TMC2: variants seen among roughly 807,000 people sequenced by gnomAD.
The protein encoded by TMC2 is transmembrane channel-like protein 2.
Under a neutral mutation model 105.9 loss-of-function variants are expected in TMC2, and 102 were observed. That is an observed-to-expected ratio of 0.96 (90% CI 0.82 to 1.14). The LOEUF (loss-of-function observed/expected upper bound fraction) is 1.14. TMC2 is among the 50% of genes most tolerant of loss of function. The pLI, the probability that TMC2 is intolerant of heterozygous loss-of-function variation, is 0.00. For missense variants in TMC2, 1,093 were observed against 1,134.3 expected (o/e 0.96, Z 0.52); for synonymous variants, 402 against 422.8 (o/e 0.95, Z 0.60).
intron 16 of TMC2, among the ~76,000 whole-genome samples, chr20:2,623,400 G>A (rs1002857629): frequency 5.3e-5 from 8 of 152,054 alleles, no homozygotes; most frequent in South Asian, 2.1e-4. Flanking sequence ...TTAGGCAGGC[G>A]TGGTGGCGCT....
chr20:2,548,481 A>G (rs2085937487), intron 2 of TMC2, among the ~76,000 whole-genome samples: 1 of 152,058 alleles, frequency 6.6e-6, no homozygotes, highest in East Asian at 1.9e-4. Context: ...TCTACTAAAA[A>G]TAGAAAATTA....
rs2086695612 is a variant in TMC2 at position 2,642,409 on chromosome 20, T to C, written c.*1058T>C. ...AGCGAGTGAGTTGCCCAGTGCCTCT[T>C]ATCTTGGAAGGAAACCTGCCTTACC... On this transcript the variant is annotated 3_prime_UTR_variant, in exon 20 of 20. Coordinates refer to ENST00000358864, the MANE Select transcript of TMC2 (RefSeq NM_080751.3). Among the ~76,000 whole-genome samples, 1 of 151,978 alleles carries C rather than the reference T, an allele frequency of 6.6e-6. No homozygotes were observed.
rs1380666993 is a variant in TMC2 at position 2,570,764 on chromosome 20, AG to A, written c.555-1414del. 1.1e-4 allele frequency among the ~76,000 whole-genome samples: 16 copies of A among 152,374 alleles called. No individual in the cohort carries two copies. The East Asian group carries it at 3.1e-3, about 29-fold the overall frequency. On this transcript the variant is annotated intron_variant, in intron 4 of 19. Transcript: ENST00000358864. Reference sequence around the variant, plus strand: ...ACTTCAAACTATACTATGAGGCTACAGTAACGAAAACAGCACAGTACTGGTA... The same window carrying A: ...ACTTCAAACTATACTATGAGGCTACATAACGAAAACAGCACAGTACTGGTA...
At chr20:2,615,881 CTG>C (rs1346331882) in intron 14 of TMC2, among the ~76,000 whole-genome samples, 1 of 152,196 alleles carries the variant, frequency 6.6e-6, no homozygotes, top group Non-Finnish European at 1.5e-5. Flanking sequence ...AAGATAGAAA[CTG>C]TCATTTTTTT....
At chr20:2,626,874 G>A (rs2086568558) in intron 17 of TMC2, among the ~76,000 whole-genome samples, 1 of 152,188 alleles carries the variant, frequency 6.6e-6, no homozygotes, top group Admixed American at 6.5e-5. Flanking sequence ...TTTAAAGAAC[G>A]GGTCAGGGGA....
chr20:2,635,950 A>C lies in TMC2; in HGVS notation c.2331A>C (p.Ser777=), dbSNP rs759283423. 6.2e-7 allele frequency: 1 copy of C among 1,614,148 alleles called. No homozygotes were observed. The highest frequency in any genetic ancestry group is 2.2e-5 in the East Asian group (1 of 44,882). Residue 777 remains serine, a synonymous_variant, in exon 18 of 20, where the codon TCA becomes TCC. Coordinates refer to ENST00000358864, the MANE Select transcript of TMC2 (RefSeq NM_080751.3). The stretch of plus-strand genomic sequence containing the variant: ...GCTTGGCCATTTACTACCTGAACTC[A>C]GTTTCCAAAAGCCTTTCCCGAGCTA... ...LMFLAIYYLN[S]VSKSLSRANA...
intron 17 of TMC2, among the ~76,000 whole-genome samples, chr20:2,629,529 T>TTAAAAAAA (rs71329389): frequency 8.6e-6 from 1 of 116,070 alleles, no homozygotes; most frequent in Non-Finnish European, 1.7e-5. Context: ...CTTACAGAAG[T>TTAAAAAAA]AAAAAAAAAA....
intron 2 of TMC2, among the ~76,000 whole-genome samples, chr20:2,549,467 G>C (rs769469681): frequency 2.7e-4 from 41 of 152,122 alleles, no homozygotes; most frequent in Non-Finnish European, 1.6e-4. Context: ...TTCCAGCCAG[G>C]CATGGTTGCT....
intron 7 of TMC2, among the ~76,000 whole-genome samples, chr20:2,590,783 A>C (rs2086263205): frequency 6.6e-6 from 1 of 152,144 alleles, no homozygotes; most frequent in Non-Finnish European, 1.5e-5. Context: ...AAAAACTACT[A>C]GAATCTAATA....
chr20:2,617,086 A>G lies in TMC2; in HGVS notation c.1955A>G (p.Tyr652Cys), dbSNP rs986841697. 6.8e-6 allele frequency: 11 copies of G among 1,613,934 alleles called. No individual in the cohort carries two copies. The highest frequency in any genetic ancestry group is 1.3e-5 in the African/African-American group (1 of 74,874). Residue 652 changes from tyrosine to cysteine, a missense_variant, in exon 16 of 20, where the codon TAT becomes TGT. Transcript: ENST00000358864. ...TGCCATTCCAGGATGGGCTCCTTCT[A>G]TGCTCCAGGCCTGGTGGGCATTAAT... ...NQGMIWMGSFYAPGLVGINVL... is the reference protein window; with the variant it reads ...NQGMIWMGSFCAPGLVGINVL...
chr20:2,617,506 A>G, intron 16 of TMC2, 195 bp downstream of exon 16: 2 of 683,832 alleles, frequency 2.9e-6, no homozygotes, highest in Non-Finnish European at 4.7e-6. Context: ...TGCGCTGTTC[A>G]TTTCAGTAGC....
At chr20:2,564,849 T>C (rs1018351620) in intron 4 of TMC2, among the ~76,000 whole-genome samples, 3 of 152,150 alleles carry the variant, frequency 2.0e-5, no homozygotes, top group African/African-American at 7.2e-5. Context: ...TCCCTGGACC[T>C]CCCTCCTGTC....
chr20:2,629,453 C>A (rs961229030), intron 17 of TMC2, among the ~76,000 whole-genome samples: 7 of 138,226 alleles, frequency 5.1e-5, no homozygotes, highest in Non-Finnish European at 6.1e-5. Flanking sequence ...GAATGTAAGT[C>A]ATTGTAACAT....
At chr20:2,572,330 A>T in intron 5 of TMC2, 61 bp downstream of exon 5, 1 of 1,384,250 alleles carries the variant, frequency 7.2e-7, no homozygotes, top group Non-Finnish European at 1.0e-6. Flanking sequence ...GAATCTGGCG[A>T]CCAACTTCGG....
chr20:2,624,580 A>G (rs1318071673), intron 17 of TMC2, among the ~76,000 whole-genome samples, 184 bp downstream of exon 17: 1 of 152,224 alleles, frequency 6.6e-6, no homozygotes, highest in African/African-American at 2.4e-5. Flanking sequence ...AAGGAAGGGA[A>G]AGGAAAATGC....
Position 2,579,181 on chromosome 20 carries a change from C to T in TMC2, c.681C>T (p.Phe227=), listed in dbSNP as rs13039110. 18,701 of 1,600,024 alleles carry T rather than the reference C, an allele frequency of 0.012. 171 individuals are homozygous for T. Among genetic ancestry groups the T allele is most frequent in the South Asian group, 0.025 (2,308 of 90,732 alleles). The change falls in exon 6 of 20, where the codon TTC becomes TTT. Residue 227 remains phenylalanine, a synonymous_variant. Coordinates refer to ENST00000358864, the MANE Select transcript of TMC2 (RefSeq NM_080751.3). ...AATTTAAGAGAGACTTTGATAATTTCAAGACTCAATGTATCCCCTGGGAAA... is the reference window on the plus strand; with the variant it reads ...AATTTAAGAGAGACTTTGATAATTTTAAGACTCAATGTATCCCCTGGGAAA... The part of the protein sequence containing the change: ...WVKFKRDFDN[F]KTQCIPWEMK...
intron 2 of TMC2, among the ~76,000 whole-genome samples, chr20:2,557,511 A>G (rs139965245): frequency 1.8e-3 from 269 of 152,230 alleles, no homozygotes; most frequent in African/African-American, 4.9e-3. Flanking sequence ...ATCTGTTAAC[A>G]TATTAATCAG....
chr20:2,639,058 G>A (rs2086669821), intron 19 of TMC2, among the ~76,000 whole-genome samples: 1 of 152,074 alleles, frequency 6.6e-6, no homozygotes, highest in South Asian at 2.1e-4. Flanking sequence ...ACCATGCCTG[G>A]CTAATTTTTT....
chr20:2,612,439 C>A, intron 13 of TMC2, 99 bp downstream of exon 13: 1 of 1,183,844 alleles, frequency 8.4e-7, no homozygotes, highest in Non-Finnish European at 1.1e-6. Flanking sequence ...GAAAACTTAC[C>A]AGCTGTTCAT....
Sources: allele counts gnomAD v4.1 joint callset (sites outside exome capture counted in the v4.1 genomes callset), GRCh38; gene constraint gnomAD v4.1.1; transcripts MANE v1.5; gene names NCBI Gene and HGNC (gene_info 2026-07-23, HGNC 2026-07-21).